CDH13: variants seen among roughly 807,000 people sequenced by gnomAD.
CDH13 encodes cadherin 13, also known as cadherin-13.
In CDH13, 24 loss-of-function variants were observed where a neutral mutation model predicts 63.8. That is an observed-to-expected ratio of 0.38 (90% CI 0.27 to 0.53). The LOEUF (loss-of-function observed/expected upper bound fraction) is 0.53, where lower values mean the gene tolerates loss of function less well. Among genes scored for constraint, CDH13 ranks in the 20% least tolerant of loss-of-function variants. CDH13 has a pLI of 0.85. For missense variants in CDH13, 1,049 were observed against 903.1 expected (o/e 1.16, Z -2.07); for synonymous variants, 503 against 355.3 (o/e 1.42, Z -4.67).
intron 11 of CDH13, among the ~76,000 whole-genome samples, chr16:83,759,835 G>C (rs924740403): frequency 6.6e-6 from 1 of 151,792 alleles, no homozygotes; most frequent in Non-Finnish European, 1.5e-5. Flanking sequence ...GGCTGAGGCA[G>C]GACGATCACT....
In CDH13 at chr16:83,217,382, G is replaced by T. The variant is rs201622114; in HGVS notation, c.521G>T (p.Arg174Leu). 3 of 1,613,706 alleles carry T rather than the reference G, an allele frequency of 1.9e-6. No individual in the cohort carries two copies. The highest frequency in any genetic ancestry group is 2.5e-6 in the Non-Finnish European group (3 of 1,179,816). ...DSDRPERSKF[R>L]LTGKGVDQEP... ...GACAGGCCAGAAAGGTCCAAGTTCC[G>T]GCTCACTGGAAAGGGAGTGGATCAA... Residue 174 changes from arginine to leucine, a missense_variant, in exon 5 of 14, where the codon CGG (arginine) becomes CTG (leucine). By Grantham distance (102) the Arg-to-Leu change is moderately radical (BLOSUM62 -2). Transcript: ENST00000567109.
At chr16:83,368,621 C>T (rs1233329606) in intron 6 of CDH13, among the ~76,000 whole-genome samples, 1 of 151,646 alleles carries the variant, frequency 6.6e-6, no homozygotes. Context: ...TACCCATCAC[C>T]CGAGCAGTGT....
intron 4 of CDH13, among the ~76,000 whole-genome samples, chr16:83,141,036 A>G (rs1229915552): frequency 6.6e-6 from 1 of 152,212 alleles, no homozygotes; most frequent in African/African-American, 2.4e-5. Flanking sequence ...TGAAGTATCC[A>G]CTATTTCCCT....
intron 7 of CDH13, among the ~76,000 whole-genome samples, chr16:83,552,155 G>C (rs1263343725): frequency 1.3e-5 from 2 of 152,192 alleles, no homozygotes; most frequent in African/African-American, 2.4e-5. Context: ...CTCAGACAGT[G>C]AATTCTGGAG....
At chr16:83,141,521 T>A (rs1002755927) in intron 4 of CDH13, among the ~76,000 whole-genome samples, 6 of 152,200 alleles carry the variant, frequency 3.9e-5, no homozygotes, top group Admixed American at 3.3e-4. Context: ...TTGTTTTTAC[T>A]TTAAGTTCTG....
rs568944335 is a variant in CDH13 at position 83,580,521 on chromosome 16, G to T, written c.961-21933G>T. 4.0e-5 allele frequency among the ~76,000 whole-genome samples: 5 copies of T among 126,312 alleles called. No individual in the cohort carries two copies. In the South Asian group the frequency reaches 8.1e-4, roughly 21 times the overall value. The allele number at this position is 126,312 out of a possible 152,430, so 82.9% of individuals were successfully genotyped here. A position where few individuals can be genotyped will look rare whatever the true frequency, so the allele number is the denominator to read the frequency against. ...CTCTCTCTCTCTAAGTCAGGTCAGG[G>T]TCTCCATCTGCCACCCAGGCTATAG... On this transcript the variant is annotated intron_variant, in intron 7 of 13. Transcript: ENST00000567109.
rs113653876 is a variant in CDH13 at position 83,299,000 on chromosome 16, A to T, written c.637-45862A>T. On this transcript the variant is annotated intron_variant, in intron 5 of 13. Coordinates refer to ENST00000567109, the MANE Select transcript of CDH13 (RefSeq NM_001257.5). ...TTTTAAAAATTATAAAATACTATAA[A>T]GCATGAGTAAAAATAACCAATATTC... Among the ~76,000 whole-genome samples the T allele has an allele frequency of 1.6e-3, 251 of 152,350 alleles. 2 individuals carry two copies. Among genetic ancestry groups the T allele is most frequent in the African/African-American group, 5.6e-3 (233 of 41,588 alleles).
chr16:83,058,769 A>G (rs1245436172), intron 3 of CDH13, among the ~76,000 whole-genome samples: 2 of 152,234 alleles, frequency 1.3e-5, no homozygotes, highest in Non-Finnish European at 2.9e-5. Context: ...GATGGTCTTA[A>G]AAACAAACGT....
chr16:83,713,132 C>T (rs549805504), intron 10 of CDH13, among the ~76,000 whole-genome samples: 3 of 152,314 alleles, frequency 2.0e-5, no homozygotes, highest in South Asian at 2.1e-4. Context: ...TCCATCTCTA[C>T]CACCTAGCAG....
At chr16:83,329,614 T>C (rs1033174919) in intron 5 of CDH13, among the ~76,000 whole-genome samples, 8 of 152,166 alleles carry the variant, frequency 5.3e-5, no homozygotes, top group African/African-American at 1.9e-4. Context: ...AATTTTTTCA[T>C]GCTATTGTGA....
intron 1 of CDH13, among the ~76,000 whole-genome samples, chr16:82,772,417 G>C (rs984231594): frequency 6.6e-6 from 1 of 152,146 alleles, no homozygotes; most frequent in African/African-American, 2.4e-5. Flanking sequence ...AATATGGTAG[G>C]AAACCTGCCC....
intron 1 of CDH13, among the ~76,000 whole-genome samples, chr16:82,799,049 A>G (rs1250484282): frequency 3.3e-5 from 5 of 152,138 alleles, no homozygotes; most frequent in African/African-American, 1.2e-4. Context: ...TGTACCTCTT[A>G]GGACTATTCA....
chr16:83,520,755 C>T (rs1463154226), intron 7 of CDH13, among the ~76,000 whole-genome samples: 3 of 152,288 alleles, frequency 2.0e-5, no homozygotes, highest in African/African-American at 7.2e-5. Context: ...CAGAACAGGA[C>T]GTGGCTAGCT....
intron 10 of CDH13, among the ~76,000 whole-genome samples, chr16:83,732,776 C>T (rs545769631): frequency 1.3e-5 from 2 of 152,296 alleles, no homozygotes; most frequent in South Asian, 2.1e-4. Flanking sequence ...AACCCAACTG[C>T]TTCCTGCAGG....
intron 4 of CDH13, among the ~76,000 whole-genome samples, chr16:83,157,459 T>C (rs568742276): frequency 1.2e-4 from 19 of 152,338 alleles, no homozygotes; most frequent in Admixed American, 4.6e-4. Flanking sequence ...ATTTACATTA[T>C]AGTTATATTT....
chr16:83,591,394 A>G (rs1906732091), intron 7 of CDH13, among the ~76,000 whole-genome samples: 1 of 152,204 alleles, frequency 6.6e-6, no homozygotes, highest in Non-Finnish European at 1.5e-5. Flanking sequence ...TCCTTGTCTG[A>G]ATCTAACAGA....
At chr16:82,783,869 G>A (rs981320764) in intron 1 of CDH13, among the ~76,000 whole-genome samples, 6 of 152,172 alleles carry the variant, frequency 3.9e-5, no homozygotes, top group African/African-American at 1.4e-4. Flanking sequence ...TTGGAGATTT[G>A]GAGATGGAGT....
At chr16:83,203,165 G>T (rs892367686) in intron 4 of CDH13, among the ~76,000 whole-genome samples, 3 of 151,530 alleles carry the variant, frequency 2.0e-5, no homozygotes, top group African/African-American at 7.3e-5. Flanking sequence ...TGGAGGTTGT[G>T]GTGAGCTGAG....
intron 5 of CDH13, among the ~76,000 whole-genome samples, chr16:83,332,561 C>T (rs994377116): frequency 6.6e-5 from 10 of 152,148 alleles, no homozygotes; most frequent in Non-Finnish European, 8.8e-5. Context: ...CCAGTAATTT[C>T]TCTCTGCTGG....
Sources: gnomAD v4.1 joint callset for allele counts (sites outside exome capture counted in the v4.1 genomes callset) on GRCh38, gnomAD v4.1.1 for gene constraint, MANE v1.5 for transcripts, NCBI Gene and HGNC (gene_info 2026-07-23, HGNC 2026-07-21) for gene names.